Variants in ADAMTS3 observed in about 807,000 individuals in gnomAD.
The protein encoded by ADAMTS3 is A disintegrin and metalloproteinase with thrombospondin motifs 3.
In ADAMTS3, 73 loss-of-function variants were observed where a neutral mutation model predicts 129.0. That is an observed-to-expected ratio of 0.57 (90% confidence interval 0.47 to 0.69). The LOEUF is 0.69. ADAMTS3 is among the 30% of genes least tolerant of loss of function. The pLI is 0.00. For missense variants in ADAMTS3, 1,457 were observed against 1,514.5 expected (o/e 0.96, Z 0.63); for synonymous variants, 477 against 510.8 (o/e 0.93, Z 0.89).
rs61187495 is a variant in ADAMTS3 at position 72,514,977 on chromosome 4, C to A, written c.504+33501G>T. On this transcript the variant is annotated intron_variant, in intron 3 of 21. Transcript: ENST00000286657. ...ATTAGGTATATCTCCTAATACTATCCCTCCCCGCTACCCCCACCCCACAAC... is the reference window on the plus strand; with the variant it reads ...ATTAGGTATATCTCCTAATACTATCACTCCCCGCTACCCCCACCCCACAAC... Among the ~76,000 whole-genome samples, 420 of 152,092 alleles carry A rather than the reference C, an allele frequency of 2.8e-3. 3 individuals are homozygous for A. Among genetic ancestry groups the A allele is most frequent in the African/African-American group, 9.9e-3 (409 of 41,480 alleles).
intron 4 of ADAMTS3, among the ~76,000 whole-genome samples, chr4:72,351,556 CAA>C (rs34564265): frequency 1.6e-5 from 2 of 124,920 alleles, no homozygotes. Context: ...AGGAAATTTC[CAA>C]AAAAAAAAAA....
At chr4:72,342,886 C>T (rs1720175599) in intron 4 of ADAMTS3, among the ~76,000 whole-genome samples, 2 of 152,040 alleles carry the variant, frequency 1.3e-5, no homozygotes, top group South Asian at 4.2e-4. Context: ...GGGTAAAGAC[C>T]CAAGGTTTGT....
chr4:72,301,972 T>C (rs1034206792), intron 17 of ADAMTS3, among the ~76,000 whole-genome samples: 1 of 151,472 alleles, frequency 6.6e-6, no homozygotes, highest in African/African-American at 2.4e-5. Context: ...GTGCTGGGGG[T>C]GGGACAGTGA....
In ADAMTS3 at chr4:72,357,574, T is replaced by C. The variant is rs369772246; in HGVS notation, c.662-17881A>G. 7.9e-5 allele frequency among the ~76,000 whole-genome samples: 12 copies of C among 152,012 alleles called. No homozygotes were observed. The South Asian group carries it at 2.3e-3, about 29-fold the overall frequency. On this transcript the variant is annotated intron_variant, in intron 4 of 21. Coordinates refer to ENST00000286657, the MANE Select transcript of ADAMTS3 (RefSeq NM_014243.3). ...TTATTTACATATACATATATGTGTG[T>C]GAATGTGTATGTGTGTGTATATATA...
chr4:72,425,606 T>C (rs1047467517), intron 3 of ADAMTS3, among the ~76,000 whole-genome samples: 10 of 152,204 alleles, frequency 6.6e-5, no homozygotes, highest in African/African-American at 2.4e-4. Context: ...GTCTTTGCAA[T>C]AGTTTGCTGA....
intron 4 of ADAMTS3, among the ~76,000 whole-genome samples, chr4:72,347,091 G>A (rs1479302283): frequency 1.3e-5 from 2 of 152,108 alleles, no homozygotes; most frequent in East Asian, 3.9e-4. Context: ...GGTGTTTACG[G>A]CTAGTATGAG....
chr4:72,526,258 T>G (rs1434842265), intron 3 of ADAMTS3, among the ~76,000 whole-genome samples: 1 of 152,142 alleles, frequency 6.6e-6, no homozygotes, highest in African/African-American at 2.4e-5. Flanking sequence ...TATAAGCAGC[T>G]ACTGTGGATG....
intron 3 of ADAMTS3, among the ~76,000 whole-genome samples, chr4:72,534,169 T>C (rs1379918098): frequency 3.3e-5 from 5 of 151,810 alleles, no homozygotes; most frequent in African/African-American, 1.2e-4. Context: ...CTACTAAAAA[T>C]ACAAAAAATT....
At chr4:72,481,875 AT>A in intron 3 of ADAMTS3, among the ~76,000 whole-genome samples, 1 of 152,262 alleles carries the variant, frequency 6.6e-6, no homozygotes, top group Non-Finnish European at 1.5e-5. Flanking sequence ...CATTTCACAT[AT>A]TTAGAGAATA....
Position 72,312,337 on chromosome 4 carries a change from T to A in ADAMTS3, c.1875A>T (p.Glu625Asp), listed in dbSNP as rs769261991. 5 of 1,613,814 alleles carry A rather than the reference T, an allele frequency of 3.1e-6. No homozygotes were observed. In the East Asian group the frequency reaches 1.1e-4, roughly 36 times the overall value. Residue 625 changes from glutamate (E) to aspartate (D), a missense_variant, in exon 13 of 22, where the codon GAA (glutamate) becomes GAT (aspartate). Physicochemically the swap from Glu to Asp is conservative, Grantham distance 45 (BLOSUM62 2). Transcript: ENST00000286657. ...QQCQQRNSHFEYQNTKHHWLP... is the reference protein window; with the variant it reads ...QQCQQRNSHFDYQNTKHHWLP... ...ACCAGTGGTGTTTGGTATTCTGGTA[T>A]TCAAAGTGGGAGTTTCGCTGCTGAC...
intron 2 of ADAMTS3, among the ~76,000 whole-genome samples, chr4:72,566,031 T>TA (rs58968096): frequency 0.027 from 4,166 of 152,126 alleles, 212 homozygotes; most frequent in African/African-American, 0.096. Flanking sequence ...AAGAGTTGGT[T>TA]AAAAAAAATT....
intron 3 of ADAMTS3, among the ~76,000 whole-genome samples, chr4:72,519,176 T>C (rs927258106): frequency 6.6e-6 from 1 of 152,172 alleles, no homozygotes; most frequent in African/African-American, 2.4e-5. Context: ...CCCACTCTCT[T>C]CTGGCTTGTA....
In ADAMTS3 at chr4:72,556,407, C is replaced by T. The variant is rs909719314; in HGVS notation, c.98-7523G>A. On this transcript the variant is annotated intron_variant, in intron 2 of 21. Transcript: ENST00000286657. Reference sequence around the variant, plus strand: ...AGATGTCCCCAATACATTGCAAAGACCACACTATAGAACTGTAAAAGAACA... The same window carrying T: ...AGATGTCCCCAATACATTGCAAAGATCACACTATAGAACTGTAAAAGAACA... Among the ~76,000 whole-genome samples the T allele has an allele frequency of 4.0e-5, 6 of 151,754 alleles. 1 individual carries two copies. Among genetic ancestry groups the T allele is most frequent in the African/African-American group, 1.5e-4 (6 of 41,056 alleles).
intron 3 of ADAMTS3, among the ~76,000 whole-genome samples, chr4:72,514,415 T>G (rs1248030382): frequency 6.6e-6 from 1 of 152,146 alleles, no homozygotes; most frequent in African/African-American, 2.4e-5. Context: ...TATAAAACCA[T>G]GAAAAACAAA....
In ADAMTS3 at chr4:72,323,058, T is replaced by C. The variant is rs112678788; in HGVS notation, c.901A>G (p.Ile301Val). The C allele has an allele frequency of 9.3e-6, 15 of 1,613,684 alleles. No individual in the cohort carries two copies. Among genetic ancestry groups the C allele is most frequent in the African/African-American group, 4.0e-5 (3 of 75,028 alleles). The change falls in exon 6 of 22, where the codon ATA becomes GTA. Residue 301 changes from isoleucine to valine, a missense_variant. Ile to Val is a conservative substitution (Grantham distance 29). Coordinates refer to ENST00000286657, the MANE Select transcript of ADAMTS3 (RefSeq NM_014243.3). ...ATCATGCGCACCAGGACCACATTTATATGCACTCCGAGGGACTCATCATGG... is the reference window on the plus strand; with the variant it reads ...ATCATGCGCACCAGGACCACATTTACATGCACTCCGAGGGACTCATCATGG... ...IYHDESLGVHINVVLVRMIML... is the reference protein window; with the variant it reads ...IYHDESLGVHVNVVLVRMIML...
At chr4:72,373,914 T>G (rs1377734612) in intron 4 of ADAMTS3, among the ~76,000 whole-genome samples, 1 of 33,792 alleles carries the variant, frequency 3.0e-5, no homozygotes, top group African/African-American at 5.5e-5. Context: ...ATAATAATAA[T>G]AATAATAATA....
chr4:72,500,446 C>T (rs1434655367), intron 3 of ADAMTS3, among the ~76,000 whole-genome samples: 1 of 152,006 alleles, frequency 6.6e-6, no homozygotes, highest in African/African-American at 2.4e-5. Flanking sequence ...TGTTCTTTGC[C>T]CATTTTTAAG....
intron 4 of ADAMTS3, among the ~76,000 whole-genome samples, chr4:72,374,273 T>G (rs930023507): frequency 4.0e-5 from 6 of 151,162 alleles, no homozygotes; most frequent in Non-Finnish European, 7.4e-5. Context: ...TTCTCCTGCA[T>G]GTTTGGGAGT....
At chr4:72,326,064 A>C (rs1719690461) in intron 5 of ADAMTS3, among the ~76,000 whole-genome samples, 1 of 152,174 alleles carries the variant, frequency 6.6e-6, no homozygotes, top group African/African-American at 2.4e-5. Context: ...ACTTAACAAA[A>C]GTCACTATTA....
Sources: allele counts gnomAD v4.1 joint callset (sites outside exome capture counted in the v4.1 genomes callset), GRCh38; gene constraint gnomAD v4.1.1; transcripts MANE v1.5; gene names NCBI Gene and HGNC (gene_info 2026-07-23, HGNC 2026-07-21).